OLFM3: variants seen among roughly 807,000 people sequenced by gnomAD.
OLFM3 encodes the protein noelin-3.
OLFM3 carries 20 observed loss-of-function variants against 48.6 expected under a neutral mutation model. The ratio of observed to expected loss-of-function variants is 0.41; its 90% CI spans 0.29 to 0.60. OLFM3 has a LOEUF of 0.60. Ranked by LOEUF, OLFM3 falls within the 20% of genes least tolerant of loss-of-function variation. The pLI, the probability that OLFM3 is intolerant of heterozygous loss-of-function variation, is 0.28. For synonymous variants in OLFM3, 222 were observed against 198.1 expected (o/e 1.12, Z -1.01); for missense variants, 437 against 544.3 (o/e 0.80, Z 1.96).
In OLFM3 at chr1:101,825,004, C is replaced by G; in HGVS notation, c.592+22G>C. On this transcript the variant is annotated intron_variant, in intron 4 of 5. Coordinates refer to ENST00000370103, the MANE Select transcript of OLFM3 (RefSeq NM_058170.4). ...AAACTATATAAAAACGTAACTTAGA[C>G]AAATTAAATTGTCATACTCACTTAG... 3 of 1,599,330 alleles carry G rather than the reference C, an allele frequency of 1.9e-6. No individual in the cohort carries two copies. The South Asian group carries it at 3.3e-5, about 18-fold the overall frequency.
chr1:101,888,340 A>G (rs933833527), intron 1 of OLFM3, among the ~76,000 whole-genome samples: 1 of 152,170 alleles, frequency 6.6e-6, no homozygotes, highest in Non-Finnish European at 1.5e-5. Context: ...CTCAGAAATA[A>G]CATCACACAT....
At chr1:101,889,882 C>T (rs989316611) in intron 1 of OLFM3, among the ~76,000 whole-genome samples, 2 of 151,770 alleles carry the variant, frequency 1.3e-5, no homozygotes, top group Non-Finnish European at 2.9e-5. Context: ...TCATTTGAAC[C>T]TATAATTCTA....
At chr1:101,925,452 C>T (rs764650194) in intron 1 of OLFM3, among the ~76,000 whole-genome samples, 3 of 151,606 alleles carry the variant, frequency 2.0e-5, no homozygotes, top group Non-Finnish European at 2.9e-5. Context: ...TAGTACTCAT[C>T]ATAGTTTTGT....
chr1:101,847,579 A>G (rs1205983166), intron 1 of OLFM3, among the ~76,000 whole-genome samples: 1 of 152,196 alleles, frequency 6.6e-6, no homozygotes, highest in African/African-American at 2.4e-5. Context: ...CTTTAAAAAT[A>G]TAGTCAAAGA....
At chr1:101,948,774 C>G (rs1660033873) in intron 1 of OLFM3, among the ~76,000 whole-genome samples, 1 of 150,922 alleles carries the variant, frequency 6.6e-6, no homozygotes, top group African/African-American at 2.4e-5. Context: ...GATTTCATAT[C>G]TCTAGTTATC....
At chr1:101,833,210 G>A (rs1415564337) in intron 2 of OLFM3, among the ~76,000 whole-genome samples, 1 of 152,172 alleles carries the variant, frequency 6.6e-6, no homozygotes, top group Non-Finnish European at 1.5e-5. Context: ...CTTCATTTGT[G>A]TTACAGGAAA....
At chr1:101,898,005 G>A (rs537104556) in intron 1 of OLFM3, among the ~76,000 whole-genome samples, 2 of 152,070 alleles carry the variant, frequency 1.3e-5, no homozygotes, top group Non-Finnish European at 2.9e-5. Flanking sequence ...TGTGTCTGAA[G>A]GCAATTTTTA....
chr1:101,828,936 C>T (rs1655013535), intron 3 of OLFM3, among the ~76,000 whole-genome samples: 1 of 152,144 alleles, frequency 6.6e-6, no homozygotes, highest in Admixed American at 6.5e-5. Context: ...TCTTGATCCC[C>T]CTATAATTTA....
intron 3 of OLFM3, among the ~76,000 whole-genome samples, chr1:101,827,175 A>G (rs980816828): frequency 1.3e-5 from 2 of 152,190 alleles, no homozygotes; most frequent in African/African-American, 4.8e-5. Flanking sequence ...GTTCTTAGCT[A>G]GAGTAGAGCC....
chr1:101,954,445 A>G (rs1164033113), intron 1 of OLFM3, among the ~76,000 whole-genome samples: 1 of 152,068 alleles, frequency 6.6e-6, no homozygotes, highest in African/African-American at 2.4e-5. Context: ...ATTTCATTCT[A>G]TTTCTAGAAA....
At chr1:101,977,224 T>A (rs949851349) in intron 1 of OLFM3, among the ~76,000 whole-genome samples, 1 of 152,174 alleles carries the variant, frequency 6.6e-6, no homozygotes, top group African/African-American at 2.4e-5. Context: ...ATTCAAAACA[T>A]TTTCCCCATA....
chr1:101,833,394 T>C (rs1655257520), intron 2 of OLFM3, among the ~76,000 whole-genome samples: 1 of 152,208 alleles, frequency 6.6e-6, no homozygotes, highest in East Asian at 1.9e-4. Flanking sequence ...GATTGTTTAG[T>C]TTCCCACTGG....
At chr1:101,945,077 T>C (rs1005520804) in intron 1 of OLFM3, among the ~76,000 whole-genome samples, 11 of 152,174 alleles carry the variant, frequency 7.2e-5, no homozygotes, top group African/African-American at 2.7e-4. Context: ...ACTGGAACTC[T>C]CATACACTGC....
intron 1 of OLFM3, among the ~76,000 whole-genome samples, chr1:101,970,019 A>ATTT (rs535399751): frequency 5.5e-5 from 8 of 144,964 alleles, no homozygotes; most frequent in African/African-American, 7.6e-5. Context: ...GTAATGACAG[A>ATTT]TTTTTTTTTT....
intron 1 of OLFM3, among the ~76,000 whole-genome samples, chr1:101,846,626 G>A (rs1463237096): frequency 1.3e-5 from 2 of 151,994 alleles, no homozygotes; most frequent in African/African-American, 2.4e-5. Context: ...TAATGACTCT[G>A]GTATTCTCTT....
intron 1 of OLFM3, among the ~76,000 whole-genome samples, chr1:101,994,291 A>T (rs1661496202): frequency 6.6e-6 from 1 of 151,006 alleles, no homozygotes; most frequent in Non-Finnish European, 1.5e-5. Flanking sequence ...TATCACTCCA[A>T]ATGTATTAGT....
In OLFM3 at chr1:101,930,383, G is replaced by A. The variant is rs151213223; in HGVS notation, c.69+66365C>T. Among the ~76,000 whole-genome samples, 66 of 152,272 alleles carry A rather than the reference G, an allele frequency of 4.3e-4. 1 individual carries two copies. The highest frequency in any genetic ancestry group is 1.3e-3 in the Admixed American group (20 of 15,292). On this transcript the variant is annotated intron_variant, in intron 1 of 5. Transcript: ENST00000370103. ...TGAAAGGAAACTAAATCATGTTGAA[G>A]TCTGCATGGTAGAGTGAGAAAATAT...
chr1:101,899,469 T>G (rs1223628136), intron 1 of OLFM3, among the ~76,000 whole-genome samples: 1 of 152,142 alleles, frequency 6.6e-6, no homozygotes, highest in Admixed American at 6.5e-5. Context: ...GCATATTCTA[T>G]TCATAAAAGG....
chr1:101,847,045 A>C (rs1656031084), intron 1 of OLFM3: 1 of 1,534,010 alleles, frequency 6.5e-7, no homozygotes, highest in South Asian at 1.3e-5. Flanking sequence ...GGGAGGCGTG[A>C]CTGCAGCGCG....
Sources: allele counts gnomAD v4.1 joint callset (sites outside exome capture counted in the v4.1 genomes callset), GRCh38; gene constraint gnomAD v4.1.1; transcripts MANE v1.5; gene names NCBI Gene and HGNC (gene_info 2026-07-23, HGNC 2026-07-21).